Variants in HSD17B4 observed in about 807,000 individuals in gnomAD.
HSD17B4 encodes hydroxysteroid 17-beta dehydrogenase 4.
A neutral mutation model predicts 101.0 loss-of-function variants in HSD17B4; 70 were observed. That is an observed-to-expected ratio of 0.69 (90% CI 0.57 to 0.85). The LOEUF (loss-of-function observed/expected upper bound fraction) is 0.85, where lower values mean the gene tolerates loss of function less well. Among genes scored for constraint, HSD17B4 ranks in the 40% least tolerant of loss-of-function variants. HSD17B4 has a pLI of 0.00. For missense variants in HSD17B4, 984 were observed against 892.4 expected (o/e 1.10, Z -1.31); for synonymous variants, 347 against 297.1 (o/e 1.17, Z -1.73).
At chr5:119,490,442 G>A (rs905954771) in intron 9 of HSD17B4, among the ~76,000 whole-genome samples, 19 of 151,972 alleles carry the variant, frequency 1.3e-4, no homozygotes, top group Non-Finnish European at 2.1e-4. Context: ...TGAAAATTTC[G>A]AATATATAAG....
At chr5:119,475,959 C>T (rs1275748802) in intron 6 of HSD17B4, 89 bp downstream of exon 6, 5 of 907,836 alleles carry the variant, frequency 5.5e-6, no homozygotes, top group African/African-American at 1.6e-5. Context: ...AAGGAAAAAC[C>T]TGCTTCTATC....
At position 119,541,902 on chromosome 5, in the gene HSD17B4, C is replaced by G; in HGVS notation, c.2122-3C>G. The G allele has an allele frequency of 6.3e-7, 1 of 1,594,616 alleles. No individual in the cohort carries two copies. Among genetic ancestry groups the G allele is most frequent in the Non-Finnish European group, 8.6e-7 (1 of 1,162,992 alleles). On this transcript the variant is annotated splice_polypyrimidine_tract_variant and splice_region_variant and intron_variant, in intron 23 of 23. Transcript: ENST00000510025. ...GCACTCTTTTTCCCTCCTCTCCTTG[C>G]AGGCATTCTTTAGTGGCAGGCTGAA...
rs753646023 is a variant in HSD17B4, at chr5:119,478,973, A to G, written c.574A>G (p.Ile192Val). ...GRKSNIHCNT[I>V]APNAGSRMTQ... is the part of the protein sequence containing the mutation. Reference sequence around the variant, plus strand: ...GAAAAGCAACATTCATTGTAACACCATTGCTCCTAATGCGGGATCACGGAT... The same window carrying G: ...GAAAAGCAACATTCATTGTAACACCGTTGCTCCTAATGCGGGATCACGGAT... Residue 192 changes from isoleucine to valine, a missense_variant, in exon 8 of 24, where the codon ATT becomes GTT. Transcript: ENST00000510025. 2 of 1,613,714 alleles carry G rather than the reference A, an allele frequency of 1.2e-6. No homozygotes were observed. The highest frequency in any genetic ancestry group is 1.7e-5 in the Admixed American group (1 of 59,974).
rs777971427 is a variant in HSD17B4, at chr5:119,499,418, A to G, written c.1074A>G (p.Pro358=). Residue 358 remains proline (P), a synonymous_variant, in exon 13 of 24, where the codon CCA becomes CCG. Transcript: ENST00000510025. ...ALGVGASIKD[P]KDLKFIYEGS... ...GAGTGGGAGCGTCAATCAAGGATCC[A>G]AAAGATTTGAAATTTATTTATGAAG... 38 of 1,613,622 alleles carry G rather than the reference A, an allele frequency of 2.4e-5. No individual in the cohort carries two copies. The highest frequency in any genetic ancestry group is 2.5e-5 in the Non-Finnish European group (29 of 1,179,670).
intron 2 of HSD17B4, among the ~76,000 whole-genome samples, chr5:119,459,306 A>G (rs751577360): frequency 3.3e-5 from 5 of 152,232 alleles, no homozygotes; most frequent in African/African-American, 4.8e-5. Context: ...TGGTGAGGGT[A>G]AATGACAAAA....
intron 18 of HSD17B4, 38 bp downstream of exon 18, chr5:119,525,323 G>T (rs1753485553): frequency 8.3e-7 from 1 of 1,210,058 alleles, no homozygotes; most frequent in Non-Finnish European, 1.2e-6. Flanking sequence ...AAAAATATTA[G>T]CTATTCGATA....
intron 2 of HSD17B4, among the ~76,000 whole-genome samples, chr5:119,461,902 T>C (rs573997997): frequency 6.6e-6 from 1 of 152,164 alleles, no homozygotes; most frequent in East Asian, 1.9e-4. Context: ...GAAAAGGATT[T>C]CCCAATATTC....
intron 17 of HSD17B4, among the ~76,000 whole-genome samples, chr5:119,519,799 T>G (rs1752954738): frequency 6.6e-6 from 1 of 152,212 alleles, no homozygotes; most frequent in Non-Finnish European, 1.5e-5. Context: ...AGCATTTAAT[T>G]TAGTTTCACT....
intron 17 of HSD17B4, among the ~76,000 whole-genome samples, chr5:119,516,960 C>A (rs533448318): frequency 6.6e-6 from 1 of 152,240 alleles, no homozygotes; most frequent in Non-Finnish European, 1.5e-5. Flanking sequence ...TCACAGCCCT[C>A]GCTCGCTCTC....
intron 16 of HSD17B4, among the ~76,000 whole-genome samples, chr5:119,513,854 T>C (rs1392889270): frequency 5.9e-5 from 9 of 152,232 alleles, no homozygotes; most frequent in Non-Finnish European, 1.3e-4. Flanking sequence ...ACTGTCCATC[T>C]TAAATGCCCT....
rs2459726 is a variant in HSD17B4 at position 119,474,721 on chromosome 5, A to T, written c.280+261A>T. 0.6 allele frequency among the ~76,000 whole-genome samples: 91,522 copies of T among 151,948 alleles called. 28,023 individuals are homozygous for T. Among genetic ancestry groups the T allele is most frequent in the East Asian group, 0.92 (4,773 of 5,176 alleles). ...CGAGCGTTTACTCAGTGCCCTTTTT[A>T]AAATAATTCAGTTAAACCTCAAAGA... On this transcript the variant is annotated intron_variant, in intron 4 of 23. Coordinates refer to ENST00000510025, the MANE Select transcript of HSD17B4 (RefSeq NM_000414.4).
chr5:119,522,027 G>C (rs981547850), intron 17 of HSD17B4, among the ~76,000 whole-genome samples: 1 of 151,740 alleles, frequency 6.6e-6, no homozygotes. Flanking sequence ...ATGTTGGTGT[G>C]CTGCACCCGT....
intron 17 of HSD17B4, among the ~76,000 whole-genome samples, chr5:119,524,271 GAA>G (rs1271472375): frequency 9.2e-5 from 14 of 151,944 alleles, no homozygotes; most frequent in African/African-American, 2.7e-4. Context: ...ATATTAAAAA[GAA>G]TGATGCTTTC....
In HSD17B4 at chr5:119,525,233, C is replaced by T. The variant is rs2126873440; in HGVS notation, c.1521C>T (p.Leu507=). The part of the protein sequence containing the change: ...TSLNQAALYR[L]SGDWNPLHID... The stretch of plus-strand genomic sequence containing the variant: ...CTCCACAGGCTGCTTTGTACCGCCT[C>T]AGTGGAGACTGGAATCCCTTACACA... Residue 507 remains leucine (L), a synonymous_variant, in exon 18 of 24, where the codon CTC becomes CTT. Coordinates refer to ENST00000510025, the MANE Select transcript of HSD17B4 (RefSeq NM_000414.4). The T allele has an allele frequency of 1.2e-6, 2 of 1,612,196 alleles. No homozygotes were observed. The highest frequency in any genetic ancestry group is 1.7e-5 in the Admixed American group (1 of 59,880).
chr5:119,505,081 G>C (rs941003214), intron 14 of HSD17B4, among the ~76,000 whole-genome samples: 3 of 152,000 alleles, frequency 2.0e-5, no homozygotes, highest in Non-Finnish European at 4.4e-5. Context: ...TTTACTTCTG[G>C]GTTCTCTGTT....
intron 14 of HSD17B4, among the ~76,000 whole-genome samples, chr5:119,502,531 A>G (rs1324000466): frequency 9.8e-6 from 1 of 101,730 alleles, no homozygotes; most frequent in Non-Finnish European, 2.2e-5. Context: ...AATAAAAACA[A>G]GTCTTTAATA....
Position 119,452,950 on chromosome 5 carries a change from G to C in HSD17B4, c.58+317G>C, listed in dbSNP as rs369851691. 26 of 1,048,692 alleles carry C rather than the reference G, an allele frequency of 2.5e-5. No individual in the cohort carries two copies. In the South Asian group the frequency reaches 2.8e-4, roughly 11 times the overall value. The allele number at this position is 1,048,692 out of a possible 1,614,324, so 65.0% of individuals were successfully genotyped here. A position where few individuals can be genotyped will look rare whatever the true frequency, so the allele number is the denominator to read the frequency against. On this transcript the variant is annotated intron_variant, in intron 1 of 23. Coordinates refer to ENST00000510025, the MANE Select transcript of HSD17B4 (RefSeq NM_000414.4). Reference sequence around the variant, plus strand: ...TCCCTGACCCTTATCTGTGGGCATCGATTGTTACTCTTCCTGCAATTAACT... The same window carrying C: ...TCCCTGACCCTTATCTGTGGGCATCCATTGTTACTCTTCCTGCAATTAACT...
chr5:119,521,611 A>G (rs543900246), intron 17 of HSD17B4, among the ~76,000 whole-genome samples: 2 of 151,822 alleles, frequency 1.3e-5, no homozygotes, highest in South Asian at 4.2e-4. Flanking sequence ...CCTTTCTGCC[A>G]TCCCCTTATT....
intron 22 of HSD17B4, 89 bp downstream of exon 22, chr5:119,531,493 G>A: frequency 7.5e-7 from 1 of 1,334,458 alleles, no homozygotes; most frequent in Non-Finnish European, 1.1e-6. Flanking sequence ...TTGAAGGTAG[G>A]TAAATCTTAC....
Sources: allele counts gnomAD v4.1 joint callset (sites outside exome capture counted in the v4.1 genomes callset), GRCh38; gene constraint gnomAD v4.1.1; transcripts MANE v1.5; gene names NCBI Gene and HGNC (gene_info 2026-07-23, HGNC 2026-07-21).